MTUS1: variants seen among roughly 807,000 people sequenced by gnomAD.
The protein encoded by MTUS1 is microtubule-associated tumor suppressor 1.
MTUS1 carries 109 observed loss-of-function variants against 120.8 expected under a neutral mutation model. The ratio of observed to expected loss-of-function variants is 0.90; its 90% CI spans 0.77 to 1.06. MTUS1 has a LOEUF of 1.06. Ranked by LOEUF, MTUS1 falls within the 50% of genes least tolerant of loss-of-function variation. The pLI is 0.00. For missense variants in MTUS1, 2,210 were observed against 1,486.3 expected, an observed-to-expected ratio of 1.49 and a Z score of -8.01; for synonymous variants, 737 against 550.5, an observed-to-expected ratio of 1.34 and a Z score of -4.74.
intron 7 of MTUS1, among the ~76,000 whole-genome samples, chr8:17,679,113 G>C (rs1013150246): frequency 2.8e-5 from 4 of 144,346 alleles, no homozygotes; most frequent in Non-Finnish European, 4.6e-5. Context: ...AAGCATGGTA[G>C]TTGCAAGATT....
chr8:17,690,300 T>C (rs1259967954), intron 6 of MTUS1, among the ~76,000 whole-genome samples: 1 of 152,114 alleles, frequency 6.6e-6, no homozygotes, highest in Non-Finnish European at 1.5e-5. Context: ...ACATCACTAA[T>C]CATCAGAGAA....
chr8:17,648,286 T>A (rs1461735716), intron 13 of MTUS1, among the ~76,000 whole-genome samples: 1 of 152,222 alleles, frequency 6.6e-6, no homozygotes, highest in African/African-American at 2.4e-5. Flanking sequence ...TATCAACTCA[T>A]TCTTGCACAC....
chr8:17,665,521 T>TATG (rs75761117), intron 8 of MTUS1, among the ~76,000 whole-genome samples: 4 of 151,468 alleles, frequency 2.6e-5, no homozygotes, highest in Admixed American at 1.3e-4. Flanking sequence ...CTCCAGCCTC[T>TATG]TTGTTGTTGT....
intron 12 of MTUS1, among the ~76,000 whole-genome samples, chr8:17,652,805 C>T (rs950193110): frequency 1.3e-5 from 2 of 150,630 alleles, no homozygotes; most frequent in Non-Finnish European, 2.9e-5. Flanking sequence ...CACTACACTC[C>T]AGCCTGAGTG....
At chr8:17,797,863 G>A (rs2052372753) in intron 1 of MTUS1, among the ~76,000 whole-genome samples, 1 of 152,176 alleles carries the variant, frequency 6.6e-6, no homozygotes, top group Admixed American at 6.5e-5. Context: ...GACTTTCAGG[G>A]TATATTCAAG....
intron 2 of MTUS1, among the ~76,000 whole-genome samples, chr8:17,748,634 C>T (rs1170454428): frequency 1.3e-5 from 2 of 152,160 alleles, no homozygotes; most frequent in African/African-American, 2.4e-5. Context: ...CACTGTGGGG[C>T]CTGCACACAG....
At chr8:17,784,288 T>A (rs1450496747) in intron 1 of MTUS1, among the ~76,000 whole-genome samples, 3 of 138,364 alleles carry the variant, frequency 2.2e-5, no homozygotes, top group Non-Finnish European at 4.6e-5. Flanking sequence ...CTAATTTTCT[T>A]ACAACTGTTT....
At chr8:17,742,897 G>T (rs2047446658) in intron 3 of MTUS1, among the ~76,000 whole-genome samples, 1 of 152,104 alleles carries the variant, frequency 6.6e-6, no homozygotes, top group Non-Finnish European at 1.5e-5. Flanking sequence ...ATTTGCCCAA[G>T]GCTGTACCGG....
chr8:17,708,321 T>C (rs1457425602), intron 6 of MTUS1, among the ~76,000 whole-genome samples: 2 of 152,190 alleles, frequency 1.3e-5, no homozygotes, highest in African/African-American at 2.4e-5. Context: ...AAAGAAGATA[T>C]ACAAATGGCC....
At chr8:17,667,087 T>C (rs961379105) in intron 8 of MTUS1, among the ~76,000 whole-genome samples, 8 of 152,188 alleles carry the variant, frequency 5.3e-5, no homozygotes, top group Non-Finnish European at 1.0e-4. Flanking sequence ...GGAGGAACAG[T>C]CAGTGGGTTT....
chr8:17,723,910 A>T, intron 3 of MTUS1, 77 bp from the exon 4 acceptor site: 1 of 1,207,214 alleles, frequency 8.3e-7, no homozygotes, highest in Non-Finnish European at 1.2e-6. Flanking sequence ...CTGTAAACTC[A>T]AACTTCTGCA....
chr8:17,783,066 G>A (rs1378039552), intron 1 of MTUS1, among the ~76,000 whole-genome samples: 5 of 150,882 alleles, frequency 3.3e-5, no homozygotes, highest in African/African-American at 9.8e-5. Context: ...CGAAGAGAGT[G>A]AAATTCTGTC....
chr8:17,719,094 C>T (rs989903772), intron 4 of MTUS1, among the ~76,000 whole-genome samples: 7 of 151,964 alleles, frequency 4.6e-5, no homozygotes, highest in Non-Finnish European at 8.8e-5. Context: ...TGCTTGAACC[C>T]AGGAGGCGGA....
At chr8:17,742,288 GTTGT>G (rs1455541932) in intron 3 of MTUS1, among the ~76,000 whole-genome samples, 8 of 67,568 alleles carry the variant, frequency 1.2e-4, no homozygotes, top group African/African-American at 4.4e-4. Flanking sequence ...TTTTGTTGTT[GTTGT>G]TTTTTTTTTT....
At chr8:17,718,939 G>T (rs1157075864) in intron 4 of MTUS1, among the ~76,000 whole-genome samples, 1 of 151,636 alleles carries the variant, frequency 6.6e-6, no homozygotes, top group African/African-American at 2.4e-5. Flanking sequence ...GGAAGACAAG[G>T]TGGGCAGATC....
At chr8:17,651,576 T>G (rs1010120401) in intron 12 of MTUS1, 1 of 152,070 alleles carries the variant, frequency 6.6e-6, no homozygotes, top group African/African-American at 2.4e-5. Flanking sequence ...TACCTCATTT[T>G]TGTTAGAGGG....
rs369673100 is a variant in MTUS1, at chr8:17,655,889, T to G, written c.3082A>C (p.Lys1028Gln). The G allele has an allele frequency of 4.3e-6, 7 of 1,614,102 alleles. No individual in the cohort carries two copies. In the African/African-American group the frequency reaches 6.7e-5, roughly 15 times the overall value. ...LRDTYIEEAE[K>Q]YKMQLQEQFD... ...TGCTCTTGCAATTGCATTTTGTACT[T>G]CTCTGCTTCTTCAATGTAAGTGTCC... The change falls in exon 9 of 15, where the codon AAG becomes CAG. Residue 1028 changes from lysine (K) to glutamine (Q), a missense_variant. Transcript: ENST00000693296.
chr8:17,721,793 C>T (rs1450941694), intron 4 of MTUS1: 1 of 1,614,018 alleles, frequency 6.2e-7, no homozygotes, highest in Admixed American at 1.7e-5. Flanking sequence ...AATAAGGTAG[C>T]ATCATAGTGC....
chr8:17,792,644 G>C (rs375023270), intron 1 of MTUS1, among the ~76,000 whole-genome samples: 1 of 152,200 alleles, frequency 6.6e-6, no homozygotes, highest in African/African-American at 2.4e-5. Flanking sequence ...TGGACAGATC[G>C]CCTGAGGCCA....
Sources: allele counts gnomAD v4.1 joint callset (sites outside exome capture counted in the v4.1 genomes callset), GRCh38; gene constraint gnomAD v4.1.1; transcripts MANE v1.5; gene names NCBI Gene and HGNC (gene_info 2026-07-23, HGNC 2026-07-21).